Variants in C11orf65 observed in about 807,000 individuals in gnomAD.
C11orf65 encodes protein MFI.
C11orf65 carries 38 observed loss-of-function variants against 35.3 expected under a neutral mutation model. That is an observed-to-expected ratio of 1.08 (90% CI 0.83 to 1.41). The LOEUF (loss-of-function observed/expected upper bound fraction) is 1.41, where lower values mean the gene tolerates loss of function less well. C11orf65 is among the 40% of genes most tolerant of loss of function. The pLI, the probability that C11orf65 is intolerant of heterozygous loss-of-function variation, is 0.00. For synonymous variants in C11orf65, 105 were observed against 114.4 expected (o/e 0.92, Z 0.53); for missense variants, 370 against 367.1 (o/e 1.01, Z -0.06).
chr11:108,433,253 A>ATC (rs982101645), intron 2 of C11orf65, among the ~76,000 whole-genome samples: 70 of 147,228 alleles, frequency 4.8e-4, no homozygotes, highest in Admixed American at 1.1e-3. Context: ...ATATATATAT[A>ATC]TCTCTCTCTA....
At chr11:108,355,049 G>A in intron 2 of C11orf65, 1 of 615,206 alleles carries the variant, frequency 1.6e-6, no homozygotes, top group Non-Finnish European at 2.9e-6. Flanking sequence ...AAAAATACTG[G>A]TTTAGAAATG....
At chr11:108,370,362 A>G (rs1261463168) in intron 2 of C11orf65, among the ~76,000 whole-genome samples, 1 of 151,848 alleles carries the variant, frequency 6.6e-6, no homozygotes, top group Non-Finnish European at 1.5e-5. Context: ...ATATAGTCAT[A>G]TCATCTATGA....
At chr11:108,372,202 C>A (rs968895257) in intron 2 of C11orf65, among the ~76,000 whole-genome samples, 8 of 152,172 alleles carry the variant, frequency 5.3e-5, no homozygotes, top group African/African-American at 1.7e-4. Flanking sequence ...TTCATTCATT[C>A]ATTCATTCTG....
intron 6 of C11orf65, among the ~76,000 whole-genome samples, chr11:108,316,900 T>C (rs558243829): frequency 3.9e-5 from 6 of 152,050 alleles, no homozygotes; most frequent in Admixed American, 2.6e-4. Flanking sequence ...CACTCCAGCC[T>C]GGGCAATAGA....
chr11:108,397,727 C>A (rs536853255), intron 6 of C11orf65, among the ~76,000 whole-genome samples: 1 of 152,138 alleles, frequency 6.6e-6, no homozygotes, highest in Admixed American at 6.5e-5. Context: ...TTCTCATTCA[C>A]CCCCTGCAAC....
At chr11:108,359,472 C>T (rs866275271) in intron 2 of C11orf65, among the ~76,000 whole-genome samples, 2 of 152,034 alleles carry the variant, frequency 1.3e-5, no homozygotes, top group East Asian at 1.9e-4. Context: ...GAACTCTCCA[C>T]CCCAAATCAA....
intron 2 of C11orf65, among the ~76,000 whole-genome samples, chr11:108,363,228 A>ATTCAT (rs2090996154): frequency 2.6e-5 from 4 of 151,724 alleles, no homozygotes; most frequent in Admixed American, 2.6e-4. Flanking sequence ...CCTCTCTTGG[A>ATTCAT]TTCATTTCTT....
chr11:108,330,481 T>C (rs1324115378), downstream of C11orf65: 71 of 1,535,546 alleles, frequency 4.6e-5, no homozygotes, highest in Non-Finnish European at 5.1e-5. Flanking sequence ...CATAAGCCCC[T>C]TGATGTCAGG....
chr11:108,315,147 A>G (rs910916360), intron 6 of C11orf65, among the ~76,000 whole-genome samples: 5 of 152,238 alleles, frequency 3.3e-5, no homozygotes, highest in African/African-American at 1.2e-4. Context: ...TACTAGAGAA[A>G]TGAACTGCTC....
intron 3 of C11orf65, among the ~76,000 whole-genome samples, chr11:108,429,942 T>C (rs2092961295): frequency 6.6e-6 from 1 of 152,050 alleles, no homozygotes; most frequent in South Asian, 2.1e-4. Flanking sequence ...TTAGTCAAAT[T>C]CATAGGGACA....
intron 2 of C11orf65, chr11:108,353,675 G>A: frequency 5.9e-6 from 6 of 1,018,962 alleles, no homozygotes; most frequent in Non-Finnish European, 9.3e-6. Context: ...GGTAACATGT[G>A]GTTTCTTGCC....
downstream of C11orf65, among the ~76,000 whole-genome samples, chr11:108,380,337 T>C (rs2091843988): frequency 6.6e-6 from 1 of 152,228 alleles, no homozygotes; most frequent in South Asian, 2.1e-4. Context: ...GAGATACACA[T>C]GGATTCTTGG....
upstream of C11orf65, among the ~76,000 whole-genome samples, chr11:108,468,769 T>A (rs2093561203): frequency 6.6e-6 from 1 of 152,154 alleles, no homozygotes; most frequent in Admixed American, 6.6e-5. Flanking sequence ...GGAAACATTA[T>A]GTATATCTTA....
intron 3 of C11orf65, among the ~76,000 whole-genome samples, chr11:108,423,152 G>T (rs1961319): frequency 0.11 from 17,118 of 152,092 alleles, 1,316 homozygotes; most frequent in Non-Finnish European, 0.15. Flanking sequence ...GCACAAAATT[G>T]AGCAGCCCTT....
intron 6 of C11orf65, among the ~76,000 whole-genome samples, chr11:108,312,826 T>C (rs2084293534): frequency 6.6e-6 from 1 of 152,214 alleles, no homozygotes; most frequent in South Asian, 2.1e-4. Flanking sequence ...TATTTATTTG[T>C]TTGCTTGTTT....
At chr11:108,384,635 T>A (rs899351508) in intron 8 of C11orf65, among the ~76,000 whole-genome samples, 1 of 151,880 alleles carries the variant, frequency 6.6e-6, no homozygotes, top group African/African-American at 2.4e-5. Flanking sequence ...TAGCTGGGCA[T>A]GGTGGTGTGT....
intron 6 of C11orf65, among the ~76,000 whole-genome samples, chr11:108,398,543 T>C (rs1234360630): frequency 2.0e-5 from 3 of 152,240 alleles, no homozygotes; most frequent in Admixed American, 6.5e-5. Flanking sequence ...TGGATGACGA[T>C]TGTGTTGAGG....
At chr11:108,342,107 T>C (rs548802921) in intron 2 of C11orf65, among the ~76,000 whole-genome samples, 2 of 152,332 alleles carry the variant, frequency 1.3e-5, no homozygotes, top group Admixed American at 6.5e-5. Context: ...TTTTTTCTTT[T>C]TTAGCTCATC....
chr11:108,362,392 G>A (rs1042486302), intron 2 of C11orf65, among the ~76,000 whole-genome samples: 3,640 of 151,866 alleles, frequency 0.024, 141 homozygotes, highest in African/African-American at 0.083. Flanking sequence ...TCAGTGTGGC[G>A]ATTCCTCAGG....
Sources: allele counts gnomAD v4.1 joint callset (sites outside exome capture counted in the v4.1 genomes callset), GRCh38; gene constraint gnomAD v4.1.1; transcripts MANE v1.5; gene names NCBI Gene and HGNC (gene_info 2026-07-23, HGNC 2026-07-21).